RALGPS1: variants seen among roughly 807,000 people sequenced by gnomAD.
RALGPS1 encodes Ral GEF with PH domain and SH3 binding motif 1.
In RALGPS1, 19 loss-of-function variants were observed where a neutral mutation model predicts 78.8. The observed-to-expected ratio is 0.24, with a 90% CI of 0.17 to 0.35. RALGPS1 has a LOEUF of 0.35. Ranked by LOEUF, RALGPS1 falls within the 10% of genes least tolerant of loss-of-function variation. The pLI is 1.00. For synonymous variants in RALGPS1, 228 were observed against 256.3 expected (o/e 0.89, Z 1.06); for missense variants, 454 against 688.3 (o/e 0.66, Z 3.81).
intron 3 of RALGPS1, among the ~76,000 whole-genome samples, chr9:126,973,125 T>C (rs1028370829): frequency 3.3e-5 from 5 of 152,086 alleles, no homozygotes; most frequent in African/African-American, 1.2e-4. Flanking sequence ...CCCAGCACTT[T>C]GGGAGGTTGT....
Position 127,034,570 on chromosome 9 carries a change from G to A in RALGPS1, c.300+56G>A, listed in dbSNP as rs1854822582. 2.0e-6 allele frequency: 3 copies of A among 1,512,310 alleles called. No individual in the cohort carries two copies. In the Admixed American group the frequency reaches 5.0e-5, roughly 25 times the overall value. The allele number at this position is 1,512,310 out of a possible 1,614,324, so 93.7% of individuals were successfully genotyped here. On this transcript the variant is annotated intron_variant, in intron 5 of 18. Coordinates refer to ENST00000259351, the MANE Select transcript of RALGPS1 (RefSeq NM_014636.3). The stretch of plus-strand genomic sequence containing the variant: ...AGAGAGCAATCTGCTGCTGTCCCCT[G>A]TAGGCTGCGAGCCCCCACCCAAAGC...
chr9:126,958,142 A>AAAAAAAATATATAT (rs113413659), intron 1 of RALGPS1, among the ~76,000 whole-genome samples: 337 of 76,650 alleles, frequency 4.4e-3, no homozygotes, highest in South Asian at 9.5e-3. Flanking sequence ...AAAAAAAAAA[A>AAAAAAAATATATAT]ATATATATAT....
At chr9:127,152,945 C>T (rs1304822766) in intron 8 of RALGPS1, among the ~76,000 whole-genome samples, 1 of 152,204 alleles carries the variant, frequency 6.6e-6, no homozygotes, top group Non-Finnish European at 1.5e-5. Context: ...CTATCTCTAT[C>T]TCCCAGATGA....
intron 3 of RALGPS1, among the ~76,000 whole-genome samples, chr9:126,973,005 T>C (rs1046319553): frequency 1.3e-5 from 2 of 151,934 alleles, no homozygotes; most frequent in African/African-American, 4.8e-5. Context: ...GAGGTTGCAG[T>C]GAGCCGAGAT....
At chr9:126,961,547 T>A (rs535535704) in intron 1 of RALGPS1, among the ~76,000 whole-genome samples, 1 of 152,332 alleles carries the variant, frequency 6.6e-6, no homozygotes, top group African/African-American at 2.4e-5. Context: ...CTCACACCTG[T>A]AATCCTAGCA....
chr9:127,099,493 C>T (rs554555713), intron 8 of RALGPS1, among the ~76,000 whole-genome samples: 3 of 152,148 alleles, frequency 2.0e-5, no homozygotes, highest in Non-Finnish European at 2.9e-5. Flanking sequence ...TGCCACGGCA[C>T]GTGGCCTGCT....
chr9:127,005,622 AG>A (rs1318498737), intron 4 of RALGPS1, among the ~76,000 whole-genome samples: 1 of 152,104 alleles, frequency 6.6e-6, no homozygotes, highest in African/African-American at 2.4e-5. Context: ...ACTACACAGG[AG>A]TTCACTGGCT....
intron 14 of RALGPS1, among the ~76,000 whole-genome samples, chr9:127,200,546 G>A (rs375382750): frequency 3.6e-4 from 55 of 152,380 alleles, no homozygotes; most frequent in African/African-American, 1.3e-3. Context: ...TACGGGGACT[G>A]TCCCATATTG....
intron 4 of RALGPS1, among the ~76,000 whole-genome samples, chr9:127,011,831 A>C (rs946568463): frequency 4.6e-5 from 7 of 152,250 alleles, no homozygotes; most frequent in Non-Finnish European, 8.8e-5. Context: ...CCCCCGTCTT[A>C]CAGAGTGGTC....
intron 3 of RALGPS1, among the ~76,000 whole-genome samples, chr9:126,968,637 C>T (rs568802451): frequency 7.2e-5 from 11 of 152,266 alleles, no homozygotes; most frequent in East Asian, 5.8e-4. Flanking sequence ...AGAAGAAAGT[C>T]GTCTCTTCAC....
intron 8 of RALGPS1, among the ~76,000 whole-genome samples, chr9:127,130,428 C>A (rs955544404): frequency 6.6e-6 from 1 of 152,196 alleles, no homozygotes; most frequent in Non-Finnish European, 1.5e-5. Flanking sequence ...TGTATCTCTC[C>A]GGACAGCTTT....
chr9:127,154,024 G>C (rs954741957), intron 8 of RALGPS1, among the ~76,000 whole-genome samples: 1 of 152,194 alleles, frequency 6.6e-6, no homozygotes, highest in Non-Finnish European at 1.5e-5. Context: ...ATCTGAAGCT[G>C]ACCCCAGCCA....
intron 1 of RALGPS1, among the ~76,000 whole-genome samples, chr9:126,930,567 T>TGTGTA (rs1418354865): frequency 6.6e-6 from 1 of 152,212 alleles, no homozygotes; most frequent in Non-Finnish European, 1.5e-5. Flanking sequence ...TTCAGCCTCC[T>TGTGTA]GTGTAGCTAG....
At chr9:127,142,307 G>A (rs2057834955) in intron 8 of RALGPS1, among the ~76,000 whole-genome samples, 1 of 152,214 alleles carries the variant, frequency 6.6e-6, no homozygotes, top group Non-Finnish European at 1.5e-5. Flanking sequence ...AAAGGGAGGT[G>A]ATCATCCACT....
chr9:126,974,801 T>G (rs2040446746), intron 3 of RALGPS1, among the ~76,000 whole-genome samples: 1 of 152,176 alleles, frequency 6.6e-6, no homozygotes, highest in Non-Finnish European at 1.5e-5. Context: ...TGTCTCATGT[T>G]TCTGTTGAGG....
intron 8 of RALGPS1, among the ~76,000 whole-genome samples, chr9:127,135,928 A>T (rs2057363625): frequency 6.6e-6 from 1 of 152,238 alleles, no homozygotes; most frequent in East Asian, 1.9e-4. Flanking sequence ...CTAATAATGG[A>T]AAGTGACTGC....
intron 5 of RALGPS1, among the ~76,000 whole-genome samples, chr9:127,042,508 C>T (rs943969462): frequency 6.6e-6 from 1 of 152,022 alleles, no homozygotes; most frequent in Non-Finnish European, 1.5e-5. Context: ...AGGAATAGAA[C>T]AGAACTTCTT....
At position 127,223,093 on chromosome 9, in the gene RALGPS1, T is replaced by C. The variant is rs1442436257; in HGVS notation, c.*4324T>C. 6.5e-6 allele frequency: 1 copy of C among 152,694 alleles called. No individual in the cohort carries two copies. The highest frequency in any genetic ancestry group is 1.5e-5 in the Non-Finnish European group (1 of 68,050). The allele number at this position is 152,694 out of a possible 1,614,324, so 9.5% of individuals were successfully genotyped here. A position where few individuals can be genotyped will look rare whatever the true frequency, so the allele number is the denominator to read the frequency against. ...TTTCAGCTTGTTACATTGATAATAATTATTTCACTAATTAAATACTTTAAT... is the reference window on the plus strand; with the variant it reads ...TTTCAGCTTGTTACATTGATAATAACTATTTCACTAATTAAATACTTTAAT... On this transcript the variant is annotated 3_prime_UTR_variant, in exon 19 of 19. Coordinates refer to ENST00000259351, the MANE Select transcript of RALGPS1 (RefSeq NM_014636.3).
chr9:127,180,056 T>G (rs2060120052), intron 11 of RALGPS1, among the ~76,000 whole-genome samples: 1 of 152,218 alleles, frequency 6.6e-6, no homozygotes, highest in Non-Finnish European at 1.5e-5. Flanking sequence ...AGTTTCTGTG[T>G]CTGTGGAGAA....
Sources: allele counts gnomAD v4.1 joint callset (sites outside exome capture counted in the v4.1 genomes callset), GRCh38; gene constraint gnomAD v4.1.1; transcripts MANE v1.5; gene names NCBI Gene and HGNC (gene_info 2026-07-23, HGNC 2026-07-21).